CHKA: variants seen among roughly 807,000 people sequenced by gnomAD.
The protein encoded by CHKA is choline kinase alpha.
In CHKA, 34 loss-of-function variants were observed where a neutral mutation model predicts 60.1. The ratio of observed to expected loss-of-function variants is 0.57; its 90% CI spans 0.43 to 0.75. The LOEUF is 0.75. CHKA is among the 30% of genes least tolerant of loss of function. CHKA has a pLI of 0.00. For missense variants in CHKA, 563 were observed against 561.3 expected (o/e 1.00, Z -0.03); for synonymous variants, 217 against 223.1 (o/e 0.97, Z 0.24).
chr11:68,114,176 A>G (rs930000348), intron 1 of CHKA, among the ~76,000 whole-genome samples: 6 of 152,208 alleles, frequency 3.9e-5, no homozygotes, highest in African/African-American at 1.2e-4. Context: ...GTTCCTTACA[A>G]AACTAAACGT....
At chr11:68,055,443 G>C (rs1590826249) in intron 11 of CHKA, among the ~76,000 whole-genome samples, 1 of 152,124 alleles carries the variant, frequency 6.6e-6, no homozygotes, top group East Asian at 1.9e-4. Context: ...TGCAAGTCTT[G>C]GTGTGGAATT....
At chr11:68,088,113 A>G (rs1234570448) in intron 2 of CHKA, among the ~76,000 whole-genome samples, 1 of 41,220 alleles carries the variant, frequency 2.4e-5, no homozygotes, top group Non-Finnish European at 5.9e-5. Flanking sequence ...GCTGTCTCAA[A>G]AAAAAAAAAA....
chr11:68,105,128 GC>G (rs1466747377), intron 1 of CHKA, among the ~76,000 whole-genome samples: 22 of 151,876 alleles, frequency 1.4e-4, no homozygotes, highest in Non-Finnish European at 2.1e-4. Context: ...ATTATTTAAT[GC>G]CTGTTACATT....
intron 2 of CHKA, chr11:68,090,003 C>T (rs1857298953): frequency 6.6e-6 from 1 of 152,202 alleles, no homozygotes; most frequent in African/African-American, 2.4e-5. Context: ...ACCATCGTTC[C>T]ATGGACCAGA....
At chr11:68,059,957 C>A (rs1207919608) in intron 11 of CHKA, among the ~76,000 whole-genome samples, 4 of 152,046 alleles carry the variant, frequency 2.6e-5, no homozygotes, top group Admixed American at 2.6e-4. Flanking sequence ...TTTGTTCTAA[C>A]CACAGAAGAG....
intron 1 of CHKA, among the ~76,000 whole-genome samples, chr11:68,102,854 G>A (rs11228131): frequency 0.64 from 97,884 of 151,976 alleles, 31,680 homozygotes; most frequent in Middle Eastern, 0.75. Context: ...GAAAGGAAAG[G>A]AAACCAATTA....
chr11:68,078,742 G>A (rs370601805), intron 3 of CHKA, among the ~76,000 whole-genome samples: 6 of 152,132 alleles, frequency 3.9e-5, no homozygotes, highest in South Asian at 2.1e-4. Flanking sequence ...CCAAAATAAC[G>A]GATCAGTACT....
chr11:68,064,482 A>C, intron 10 of CHKA, 43 bp downstream of exon 10: 1 of 995,326 alleles, frequency 1.0e-6, no homozygotes, highest in Non-Finnish European at 1.5e-6. Flanking sequence ...TAGTCTATAA[A>C]GAGGAAAGCT....
rs569529511 is a variant in CHKA at position 68,068,874 on chromosome 11, C to T, written c.928+5G>A. 1 of 1,603,742 alleles carries T rather than the reference C, an allele frequency of 6.2e-7. No individual in the cohort carries two copies. The highest frequency in any genetic ancestry group is 1.7e-5 in the Admixed American group (1 of 59,970). On this transcript the variant is annotated splice_donor_5th_base_variant and intron_variant, in intron 7 of 11. Transcript: ENST00000265689. Reference sequence around the variant, plus strand: ...TCATCTGTAACAGAACATAGCAATTCTTACCTTCTTGACAGTCATTATGAC... The same window carrying T: ...TCATCTGTAACAGAACATAGCAATTTTTACCTTCTTGACAGTCATTATGAC...
rs765597900 is a variant in CHKA at position 68,065,819 on chromosome 11, T to C, written c.1092A>G (p.Ala364=). Reference sequence around the variant, plus strand: ...TCTTGGTGGGATACTTCCGGATGTTTGCTCTGAAAAAAGGGTATTTTTCAT... The same window carrying C: ...TCTTGGTGGGATACTTCCGGATGTTCGCTCTGAAAAAAGGGTATTTTTCAT... ...YSYEKYPFFR[A]NIRKYPTKKQ... is the part of the protein sequence containing the mutation. Residue 364 remains alanine (A), a synonymous_variant, in exon 9 of 12, where the codon GCA becomes GCG. Transcript: ENST00000265689. 4 of 1,606,612 alleles carry C rather than the reference T, an allele frequency of 2.5e-6. No individual in the cohort carries two copies. The highest frequency in any genetic ancestry group is 1.1e-5 in the South Asian group (1 of 90,902).
intron 3 of CHKA, among the ~76,000 whole-genome samples, chr11:68,078,140 C>G (rs1041932001): frequency 6.6e-6 from 1 of 152,168 alleles, no homozygotes; most frequent in African/African-American, 2.4e-5. Flanking sequence ...TTCTACAGGG[C>G]ACCCTCGCAT....
At chr11:68,061,130 A>G (rs563323072) in intron 11 of CHKA, among the ~76,000 whole-genome samples, 102 of 118,168 alleles carry the variant, frequency 8.6e-4, no homozygotes, top group African/African-American at 2.8e-3. Context: ...TTTTTGAGAC[A>G]GAATCTTGTT....
At chr11:68,103,670 G>C (rs1484237151) in intron 1 of CHKA, among the ~76,000 whole-genome samples, 1 of 151,984 alleles carries the variant, frequency 6.6e-6, no homozygotes, top group Non-Finnish European at 1.5e-5. Context: ...CCCGCACTTT[G>C]GAAGGCTGAG....
Position 68,074,804 on chromosome 11 carries a change from G to A in CHKA, c.543C>T (p.Ser181=), listed in dbSNP as rs549466658. Residue 181 remains serine, a synonymous_variant, in exon 4 of 12, where the codon AGC becomes AGT. Transcript: ENST00000265689. ...FQGAEAMVLE[S]VMFAILAERS... is the part of the protein sequence containing the mutation. ...TCTCTGCGAGAATGGCAAACATAAC[G>A]CTCTCCAGAACCATGGCCTCAGCCC... is the stretch of plus-strand genomic sequence containing the variant. The A allele has an allele frequency of 2.4e-5, 38 of 1,614,140 alleles. No individual in the cohort carries two copies. The East Asian group carries it at 3.6e-4, about 15-fold the overall frequency.
chr11:68,070,013 C>A (rs1301229687), intron 6 of CHKA, among the ~76,000 whole-genome samples, 176 bp downstream of exon 6: 1 of 152,178 alleles, frequency 6.6e-6, no homozygotes, highest in African/African-American at 2.4e-5. Context: ...TCCATAGAGT[C>A]CATAATCTCT....
At chr11:68,057,773 T>C (rs1297156010) in intron 11 of CHKA, among the ~76,000 whole-genome samples, 1 of 152,252 alleles carries the variant, frequency 6.6e-6, no homozygotes, top group East Asian at 1.9e-4. Context: ...TGTTCTTGCA[T>C]CATTTTTTGA....
chr11:68,069,345 C>T lies in CHKA; in HGVS notation c.870-408G>A, dbSNP rs139286098. Among the ~76,000 whole-genome samples, 26 of 152,232 alleles carry T rather than the reference C, an allele frequency of 1.7e-4. No homozygotes were observed. The East Asian group carries it at 3.3e-3, about 19-fold the overall frequency. On this transcript the variant is annotated intron_variant, in intron 6 of 11. Coordinates refer to ENST00000265689, the MANE Select transcript of CHKA (RefSeq NM_001277.3). ...TTGTTTACTTGTTTTCCCTCAGCAGCGATCATCAAGCCTAGCAGAGGAGGC... is the reference window on the plus strand; with the variant it reads ...TTGTTTACTTGTTTTCCCTCAGCAGTGATCATCAAGCCTAGCAGAGGAGGC...
At chr11:68,108,804 C>A (rs973746158) in intron 1 of CHKA, among the ~76,000 whole-genome samples, 7 of 152,192 alleles carry the variant, frequency 4.6e-5, no homozygotes, top group Non-Finnish European at 1.0e-4. Flanking sequence ...GACAGACCGG[C>A]AGATACAGAG....
At chr11:68,080,575 T>C (rs1856954004) in intron 3 of CHKA, among the ~76,000 whole-genome samples, 5 of 152,198 alleles carry the variant, frequency 3.3e-5, no homozygotes, top group Admixed American at 3.3e-4. Context: ...CTCAAACTCC[T>C]GACCTCATGA....
Sources: allele counts gnomAD v4.1 joint callset (sites outside exome capture counted in the v4.1 genomes callset), GRCh38; gene constraint gnomAD v4.1.1; transcripts MANE v1.5; gene names NCBI Gene and HGNC (gene_info 2026-07-23, HGNC 2026-07-21).